ATP13A4: variants seen among roughly 807,000 people sequenced by gnomAD.
ATP13A4 encodes the protein ATPase 13A4.
A neutral mutation model predicts 142.5 loss-of-function variants in ATP13A4; 114 were observed. The observed-to-expected ratio is 0.80, with a 90% CI of 0.69 to 0.93. ATP13A4 has a LOEUF of 0.93. Ranked by LOEUF, ATP13A4 falls within the 40% of genes least tolerant of loss-of-function variation. The pLI is 0.00. For synonymous variants in ATP13A4, 488 were observed against 514.8 expected (o/e 0.95, Z 0.70); for missense variants, 1,392 against 1,454.0 (o/e 0.96, Z 0.69).
At position 193,466,273 on chromosome 3, in the gene ATP13A4, C is replaced by T. The variant is rs1375842745; in HGVS notation, c.1115-91G>A. On this transcript the variant is annotated intron_variant, in intron 10 of 29. Transcript: ENST00000342695. The stretch of plus-strand genomic sequence containing the variant: ...TCAACACTGCCTTTGTTTTTCTCTG[C>T]TGATATTTGAACAGTGTTTAAGCTC... 3 of 1,478,856 alleles carry T rather than the reference C, an allele frequency of 2.0e-6. No homozygotes were observed. The East Asian group carries it at 6.8e-5, about 33-fold the overall frequency. 91.6% of individuals were successfully genotyped at this position (1,478,856 alleles called of 1,614,324 possible).
intron 3 of ATP13A4, among the ~76,000 whole-genome samples, chr3:193,497,174 A>C (rs1481712860): frequency 6.6e-6 from 1 of 152,226 alleles, no homozygotes; most frequent in Non-Finnish European, 1.5e-5. Flanking sequence ...TGTGCATCTG[A>C]CAAGGGGTTA....
In ATP13A4 at chr3:193,492,994, A is replaced by G; in HGVS notation, c.456T>C (p.Ser152=). The G allele has an allele frequency of 6.2e-7, 1 of 1,609,518 alleles. No individual in the cohort carries two copies. Among genetic ancestry groups the G allele is most frequent in the Non-Finnish European group, 8.5e-7 (1 of 1,176,530 alleles). ...YLEGQFQKIG[S]LEDWLSSAKI... ...TGGCAGAACTAAGCCAGTCTTCCAA[A>G]GAACTAAAATAATAATAATGAAAAG... The change falls in exon 5 of 30, where the codon TCT becomes TCC. Residue 152 remains serine (S), a synonymous_variant. Transcript: ENST00000342695.
chr3:193,464,854 C>G (rs1718168356), intron 12 of ATP13A4, 86 bp downstream of exon 12: 1 of 1,416,342 alleles, frequency 7.1e-7, no homozygotes, highest in Non-Finnish European at 9.9e-7. Flanking sequence ...TTCTATGTCT[C>G]CTGCCTTGCA....
At chr3:193,559,977 A>G (rs1461849479), upstream of ATP13A4, among the ~76,000 whole-genome samples, 1 of 152,180 alleles carries the variant, frequency 6.6e-6, no homozygotes, top group Non-Finnish European at 1.5e-5. Context: ...TAATTTTGAG[A>G]ACTTTTAACC....
intron 1 of ATP13A4, 52 bp downstream of exon 1, chr3:193,554,676 GTGTGTGTGTGTC>G: frequency 7.7e-7 from 1 of 1,296,774 alleles, no homozygotes; most frequent in Non-Finnish European, 1.1e-6. Context: ...GTGTGTGTGT[GTGTGTGTGTGTC>G]TCGCAGGCTG....
At chr3:193,587,334 G>A (rs59016950) in intron 1 of ATP13A4, among the ~76,000 whole-genome samples, 180 of 152,358 alleles carry the variant, frequency 1.2e-3, no homozygotes, top group African/African-American at 3.5e-3. Flanking sequence ...GTGGCTACCA[G>A]CATTCCTTGG....
chr3:193,473,050 T>G (rs989978148), intron 8 of ATP13A4, among the ~76,000 whole-genome samples: 1 of 152,206 alleles, frequency 6.6e-6, no homozygotes, highest in Non-Finnish European at 1.5e-5. Flanking sequence ...TGCCCAAAGT[T>G]TGGTTTCTAA....
At chr3:193,502,968 T>C (rs562477385) in intron 2 of ATP13A4, among the ~76,000 whole-genome samples, 2 of 152,204 alleles carry the variant, frequency 1.3e-5, no homozygotes, top group South Asian at 4.1e-4. Context: ...CATCCCCATC[T>C]TTCAAGGCTT....
intron 14 of ATP13A4, 72 bp from the exon 15 acceptor site, chr3:193,457,537 C>T: frequency 7.0e-7 from 1 of 1,425,318 alleles, no homozygotes; most frequent in Non-Finnish European, 9.9e-7. Context: ...TGCTTGAACC[C>T]TCCCCTTGAG....
chr3:193,572,157 AG>A (rs778570097), intron 2 of ATP13A4, among the ~76,000 whole-genome samples: 56 of 152,136 alleles, frequency 3.7e-4, no homozygotes, highest in Non-Finnish European at 6.8e-4. Context: ...CTAAAGTGGG[AG>A]GATTGCCTGA....
intron 2 of ATP13A4, among the ~76,000 whole-genome samples, chr3:193,579,678 C>T (rs77568410): frequency 0.068 from 10,265 of 151,948 alleles, 404 homozygotes; most frequent in Non-Finnish European, 0.088. Context: ...TCTATGCCAG[C>T]CCTTACAAAT....
intron 10 of ATP13A4, 58 bp downstream of exon 10, chr3:193,467,258 C>G: frequency 6.3e-7 from 1 of 1,576,466 alleles, no homozygotes; most frequent in South Asian, 1.1e-5. Flanking sequence ...ATTTAAGGCA[C>G]TAGACAAACT....
At chr3:193,563,379 C>T (rs1340712390) in intron 2 of ATP13A4, among the ~76,000 whole-genome samples, 1 of 152,142 alleles carries the variant, frequency 6.6e-6, no homozygotes, top group Non-Finnish European at 1.5e-5. Flanking sequence ...CCCAAATCTC[C>T]ACTCCTAGGC....
chr3:193,481,096 T>C (rs1719265701), intron 8 of ATP13A4, among the ~76,000 whole-genome samples: 1 of 152,108 alleles, frequency 6.6e-6, no homozygotes, highest in Non-Finnish European at 1.5e-5. Context: ...GGCATAAGAA[T>C]GACACAATGC....
rs1714299019 is a variant in ATP13A4, at chr3:193,402,504, TCAAA to T, written c.*144_*147del. ...GTTCTTCTCTGTAGACAGTATTTTA[TCAAA>T]CAGACTTTAGTTTGTCACCATGATT... On this transcript the variant is annotated 3_prime_UTR_variant, in exon 30 of 30. Coordinates refer to ENST00000342695, the MANE Select transcript of ATP13A4 (RefSeq NM_032279.4). 1 of 640,204 alleles carries T rather than the reference TCAAA, an allele frequency of 1.6e-6. No individual in the cohort carries two copies. Among genetic ancestry groups the T allele is most frequent in the African/African-American group, 1.8e-5 (1 of 55,068 alleles). The allele number at this position is 640,204 out of a possible 1,614,324, so 39.7% of individuals were successfully genotyped here.
chr3:193,480,114 A>G (rs1719203120), intron 8 of ATP13A4, among the ~76,000 whole-genome samples: 1 of 152,200 alleles, frequency 6.6e-6, no homozygotes, highest in African/African-American at 2.4e-5. Context: ...AAATCAACTC[A>G]AGATGGATCA....
At chr3:193,554,113 GA>G (rs1166911310) in intron 1 of ATP13A4, among the ~76,000 whole-genome samples, 6 of 152,178 alleles carry the variant, frequency 3.9e-5, no homozygotes, top group African/African-American at 1.4e-4. Flanking sequence ...TAGTTCTCAA[GA>G]TAGAAGCACA....
Position 193,433,999 on chromosome 3 carries a change from G to T in ATP13A4, c.2770-82C>A, listed in dbSNP as rs556551161. ...TATTGATTACATTTATTTTCTCACTGTGACATAGGGTTTTTCAAGTAAATT... is the reference window on the plus strand; with the variant it reads ...TATTGATTACATTTATTTTCTCACTTTGACATAGGGTTTTTCAAGTAAATT... On this transcript the variant is annotated intron_variant, in intron 24 of 29. Coordinates refer to ENST00000342695, the MANE Select transcript of ATP13A4 (RefSeq NM_032279.4). The T allele has an allele frequency of 1.1e-4, 127 of 1,132,572 alleles. 1 individual carries two copies. In the Admixed American group the frequency reaches 1.6e-3, roughly 14 times the overall value. 70.2% of individuals were successfully genotyped at this position (1,132,572 alleles called of 1,614,324 possible).
chr3:193,502,434 A>G lies in ATP13A4; in HGVS notation c.381+59T>C. On this transcript the variant is annotated intron_variant, in intron 3 of 29. Transcript: ENST00000342695. Reference sequence around the variant, plus strand: ...GTAGAGGAGCTACATTTAACTATATACTTGAGGGGAAAAAGATTAAATCTC... The same window carrying G: ...GTAGAGGAGCTACATTTAACTATATGCTTGAGGGGAAAAAGATTAAATCTC... 6 of 1,564,922 alleles carry G rather than the reference A, an allele frequency of 3.8e-6. No individual in the cohort carries two copies. In the South Asian group the frequency reaches 6.7e-5, roughly 17 times the overall value.
Sources: gnomAD v4.1 joint callset for allele counts (sites outside exome capture counted in the v4.1 genomes callset) on GRCh38, gnomAD v4.1.1 for gene constraint, MANE v1.5 for transcripts, NCBI Gene and HGNC (gene_info 2026-07-23, HGNC 2026-07-21) for gene names.